Variants in PRRC2C observed in about 807,000 individuals in gnomAD.
PRRC2C encodes the protein protein PRRC2C.
A neutral mutation model predicts 317.2 loss-of-function variants in PRRC2C; 72 were observed. The ratio of observed to expected loss-of-function variants is 0.23; its 90% CI spans 0.19 to 0.28. PRRC2C has a LOEUF of 0.28. Ranked by LOEUF, PRRC2C falls within the 10% of genes least tolerant of loss-of-function variation. The pLI, the probability that PRRC2C is intolerant of heterozygous loss-of-function variation, is 1.00. For missense variants in PRRC2C, 3,074 were observed against 3,459.7 expected, an observed-to-expected ratio of 0.89 and a Z score of 2.80; for synonymous variants, 1,296 against 1,205.9, an observed-to-expected ratio of 1.07 and a Z score of -1.55.
At chr1:171,508,674 G>A (rs1670714678) in intron 1 of PRRC2C, among the ~76,000 whole-genome samples, 1 of 152,168 alleles carries the variant, frequency 6.6e-6, no homozygotes, top group Non-Finnish European at 1.5e-5. Flanking sequence ...AGAATATGGA[G>A]AAGCTGAACT....
intron 6 of PRRC2C, among the ~76,000 whole-genome samples, chr1:171,521,354 C>T (rs1453475203): frequency 2.6e-5 from 4 of 152,064 alleles, no homozygotes; most frequent in Non-Finnish European, 4.4e-5. Context: ...GGATGAATCC[C>T]TTGGTGTTAT....
At position 171,591,624 on chromosome 1, in the gene PRRC2C, G is replaced by A; in HGVS notation, c.8474G>A (p.Arg2825Gln). ...GCAGAGGTTCTTCAGTCCACGCAAC[G>A]GTTCTTCTCTGAACAGCAACAGAGC... The part of the protein sequence containing the change: ...QRAEVLQSTQ[R>Q]FFSEQQQSKQ... Residue 2825 changes from arginine (R) to glutamine (Q), a missense_variant, in exon 35 of 35, where the codon CGG (arginine) becomes CAG (glutamine). By Grantham distance (43) the Arg-to-Gln change is conservative. This residue lies in a region of PRRC2C where 78 missense variants were observed against 97.7 expected (regional missense o/e 0.80). Coordinates refer to ENST00000647382, the MANE Select transcript of PRRC2C (RefSeq NM_001387844.1). 3.1e-6 allele frequency: 5 copies of A among 1,613,826 alleles called. No homozygotes were observed. Among genetic ancestry groups the A allele is most frequent in the Non-Finnish European group, 4.2e-6 (5 of 1,179,852 alleles).
chr1:171,540,280 C>G lies in PRRC2C; in HGVS notation c.2814C>G (p.Asp938Glu). 2 of 1,613,752 alleles carry G rather than the reference C, an allele frequency of 1.2e-6. No individual in the cohort carries two copies. The highest frequency in any genetic ancestry group is 1.7e-6 in the Non-Finnish European group (2 of 1,179,874). Residue 938 changes from aspartate (D) to glutamate (E), a missense_variant, in exon 16 of 35, where the codon GAC becomes GAG. By Grantham distance (45) the Asp-to-Glu change is conservative. Transcript: ENST00000647382. ...SHGSNHTQKP[D>E]EQRSEPSAGI... ...GATCTAACCATACGCAAAAACCAGACGAGCAGAGAAGTGAACCATCTGCAG... is the reference window on the plus strand; with the variant it reads ...GATCTAACCATACGCAAAAACCAGAGGAGCAGAGAAGTGAACCATCTGCAG...
intron 1 of PRRC2C, among the ~76,000 whole-genome samples, chr1:171,500,280 TA>T (rs1368182357): frequency 6.6e-6 from 1 of 152,250 alleles, no homozygotes; most frequent in Non-Finnish European, 1.5e-5. Context: ...TTTTCAGTAT[TA>T]AAACTAGAAT....
chr1:171,553,398 T>G (rs769296731), intron 18 of PRRC2C, among the ~76,000 whole-genome samples: 3 of 152,138 alleles, frequency 2.0e-5, no homozygotes, highest in Non-Finnish European at 4.4e-5. Context: ...TTTATTGATC[T>G]TTTCAAAAAA....
At chr1:171,550,540 C>T (rs1439309304) in intron 18 of PRRC2C, among the ~76,000 whole-genome samples, 1 of 150,938 alleles carries the variant, frequency 6.6e-6, no homozygotes, top group African/African-American at 2.4e-5. Context: ...CATATGTATA[C>T]ATGTGCTATG....
In PRRC2C at chr1:171,532,237, G is replaced by A; in HGVS notation, c.1255-106G>A. 1 of 1,201,724 alleles carries A rather than the reference G, an allele frequency of 8.3e-7. No individual in the cohort carries two copies. The highest frequency in any genetic ancestry group is 1.1e-6 in the Non-Finnish European group (1 of 879,200). 74.4% of individuals were successfully genotyped at this position (1,201,724 alleles called of 1,614,324 possible). ...TTCATTTTAATGTGTATGTTCATCA[G>A]AGAAATTTCTGATATTTTTGTGGGG... is the stretch of plus-strand genomic sequence containing the variant. On this transcript the variant is annotated intron_variant, in intron 11 of 34. Transcript: ENST00000647382.
intron 18 of PRRC2C, among the ~76,000 whole-genome samples, chr1:171,553,833 CAGTT>C (rs1275065193): frequency 6.6e-6 from 1 of 152,106 alleles, no homozygotes; most frequent in East Asian, 1.9e-4. Flanking sequence ...GTCTGAGAGA[CAGTT>C]TGTTGTGATT....
At chr1:171,559,180 A>G (rs988940723) in intron 19 of PRRC2C, among the ~76,000 whole-genome samples, 22 of 152,222 alleles carry the variant, frequency 1.4e-4, no homozygotes, top group Admixed American at 1.4e-3. Context: ...AGTTATCCAG[A>G]AGATCCAAAA....
rs2102915806 is a variant in PRRC2C, at chr1:171,591,983, A to G, written c.*136A>G. On this transcript the variant is annotated 3_prime_UTR_variant, in exon 35 of 35. Transcript: ENST00000647382. Reference sequence around the variant, plus strand: ...CAGAGCTTGGAGATGTACAAGGGACATAGGAGCAATTTACACTGACACACA... The same window carrying G: ...CAGAGCTTGGAGATGTACAAGGGACGTAGGAGCAATTTACACTGACACACA... 4 of 1,186,286 alleles carry G rather than the reference A, an allele frequency of 3.4e-6. No homozygotes were observed. Among genetic ancestry groups the G allele is most frequent in the East Asian group, 2.4e-5 (1 of 42,338 alleles). 73.5% of individuals were successfully genotyped at this position (1,186,286 alleles called of 1,614,324 possible).
In PRRC2C at chr1:171,541,849, C is replaced by A; in HGVS notation, c.4383C>A (p.Gly1461=). The A allele has an allele frequency of 6.2e-7, 1 of 1,613,794 alleles. No individual in the cohort carries two copies. Among genetic ancestry groups the A allele is most frequent in the Non-Finnish European group, 8.5e-7 (1 of 1,179,886 alleles). ...AGGTGGTAGCAGTGCCCACAAATGG[C>A]ACAGTTAATAATGTGGCTCAAGAAC... ...SNEVVAVPTN[G]TVNNVAQEPV... Residue 1461 remains glycine, a synonymous_variant, in exon 16 of 35, where the codon GGC becomes GGA. Coordinates refer to ENST00000647382, the MANE Select transcript of PRRC2C (RefSeq NM_001387844.1). The surrounding 1 kb of genome is among the most constrained non-coding windows in gnomAD (Gnocchi z 4.1).
intron 4 of PRRC2C, among the ~76,000 whole-genome samples, chr1:171,515,176 A>G (rs948793461): frequency 2.0e-5 from 3 of 152,348 alleles, no homozygotes; most frequent in Non-Finnish European, 4.4e-5. Context: ...GGAAGAACCA[A>G]TCTGGGCCCT....
At chr1:171,524,696 C>T in intron 9 of PRRC2C, 125 bp from the exon 10 acceptor site, 1 of 979,944 alleles carries the variant, frequency 1.0e-6, no homozygotes, top group Non-Finnish European at 1.4e-6. Flanking sequence ...ACACACCCAT[C>T]TCATTCCTTA....
chr1:171,565,631 A>G (rs1385528419), intron 20 of PRRC2C, among the ~76,000 whole-genome samples: 1 of 152,150 alleles, frequency 6.6e-6, no homozygotes, highest in African/African-American at 2.4e-5. Flanking sequence ...TATTTTTAGT[A>G]GAGACAGAGT....
chr1:171,518,451 G>A (rs1299392361), intron 6 of PRRC2C, among the ~76,000 whole-genome samples: 3 of 104,112 alleles, frequency 2.9e-5, no homozygotes, highest in Non-Finnish European at 6.4e-5. Context: ...TTTTATTTGT[G>A]TACTTTTAAT....
At chr1:171,533,442 A>AG (rs34515647) in intron 12 of PRRC2C, among the ~76,000 whole-genome samples, 121,953 of 152,100 alleles carry the variant, frequency 0.8, 49,029 homozygotes, top group Middle Eastern at 0.89. Flanking sequence ...ATATGCTATT[A>AG]AACTGTAATT....
rs557473059 is a variant in PRRC2C at position 171,517,781 on chromosome 1, C to A, written c.717C>A (p.Leu239=). The part of the protein sequence containing the change: ...QAKLNGQQAA[L]ASQYRAMMPP... ...AACTGAATGGACAGCAGGCTGCTCT[C>A]GCTTCCCAGTATAGAGCTATGATGC... Residue 239 remains leucine (L), a synonymous_variant, in exon 6 of 35, where the codon CTC becomes CTA. Coordinates refer to ENST00000647382, the MANE Select transcript of PRRC2C (RefSeq NM_001387844.1). 2.0e-5 allele frequency: 33 copies of A among 1,613,492 alleles called. No homozygotes were observed. In the East Asian group the frequency reaches 6.7e-4, roughly 33 times the overall value.
At chr1:171,556,672 A>G (rs1156786109) in intron 18 of PRRC2C, among the ~76,000 whole-genome samples, 2 of 152,256 alleles carry the variant, frequency 1.3e-5, no homozygotes, top group Non-Finnish European at 2.9e-5. Flanking sequence ...TTGGAAAGCT[A>G]ATGAACACAA....
At chr1:171,511,139 G>C (rs939586758) in intron 1 of PRRC2C, 12 of 151,908 alleles carry the variant, frequency 7.9e-5, no homozygotes, top group Non-Finnish European at 1.3e-4. Context: ...TTCAGCTATT[G>C]ATCGTTTCTA....
Sources: gnomAD v4.1 joint callset for allele counts (sites outside exome capture counted in the v4.1 genomes callset) on GRCh38, gnomAD v4.1.1 for gene constraint, gnomAD v4.1.1 regional missense constraint, Gnocchi (gnomAD v3.1) non-coding constraint, MANE v1.5 for transcripts, NCBI Gene and HGNC (gene_info 2026-07-23, HGNC 2026-07-21) for gene names.